Variants in ZSWIM4 observed in about 807,000 individuals in gnomAD.
The protein encoded by ZSWIM4 is zinc finger SWIM-type containing 4.
A neutral mutation model predicts 102.5 loss-of-function variants in ZSWIM4; 62 were observed. That is an observed-to-expected ratio of 0.60 (90% CI 0.49 to 0.75). The LOEUF is 0.75. Among genes scored for constraint, ZSWIM4 ranks in the 30% least tolerant of loss-of-function variants. The pLI is 0.00. For synonymous variants in ZSWIM4, 652 were observed against 674.5 expected (o/e 0.97, Z 0.52); for missense variants, 1,280 against 1,529.6 (o/e 0.84, Z 2.72).
At position 13,819,458 on chromosome 19, in the gene ZSWIM4, G is replaced by A. The variant is rs1225988354; in HGVS notation, c.2026G>A (p.Asp676Asn). The A allele has an allele frequency of 2.5e-6, 4 of 1,608,938 alleles. No homozygotes were observed. Among genetic ancestry groups the A allele is most frequent in the South Asian group, 2.2e-5 (2 of 90,016 alleles). The change falls in exon 10 of 14, where the codon GAC becomes AAC. Residue 676 changes from aspartate to asparagine, a missense_variant. By Grantham distance (23) the Asp-to-Asn change is conservative. Transcript: ENST00000590508. Reference sequence around the variant, plus strand: ...CACCGCACTGCTGCCTCATGACCCGGACCTGGCCTATCGCCTCGCGCTGCG... The same window carrying A: ...CACCGCACTGCTGCCTCATGACCCGAACCTGGCCTATCGCCTCGCGCTGCG... ...LFTALLPHDP[D>N]LAYRLALRAM...
In ZSWIM4 at chr19:13,825,262, C is replaced by G. The variant is rs539308236; in HGVS notation, c.2216-288C>G. ...CAGGCTGGTCTCAAACTCTTGACCT[C>G]GTGATCCACCCACCTCAGCCTCCCA... On this transcript the variant is annotated intron_variant, in intron 11 of 13. Transcript: ENST00000590508. The surrounding 1 kb of genome is among the most constrained non-coding windows in gnomAD (Gnocchi z 4.6). Among the ~76,000 whole-genome samples, 1 of 152,010 alleles carries G rather than the reference C, an allele frequency of 6.6e-6. No individual in the cohort carries two copies. The highest frequency in any genetic ancestry group is 2.4e-5 in the African/African-American group (1 of 41,378).
At chr19:13,808,647 G>T (rs550259856) in intron 3 of ZSWIM4, among the ~76,000 whole-genome samples, 189 bp from the exon 4 acceptor site, 1 of 151,332 alleles carries the variant, frequency 6.6e-6, no homozygotes, top group East Asian at 2.0e-4. Context: ...GCTAAGGCAG[G>T]AGAATCACTT....
chr19:13,808,711 C>T (rs1974983337), intron 3 of ZSWIM4, 125 bp from the exon 4 acceptor site: 8 of 1,069,646 alleles, frequency 7.5e-6, no homozygotes, highest in Non-Finnish European at 1.0e-5. Flanking sequence ...AGCACTCCAG[C>T]CTGGGCAAGA....
intron 2 of ZSWIM4, among the ~76,000 whole-genome samples, chr19:13,803,911 G>T (rs967850763): frequency 1.3e-5 from 2 of 150,382 alleles, no homozygotes; most frequent in African/African-American, 2.4e-5. Context: ...ACCCAGGCTG[G>T]AGTGCAATGG....
Position 13,830,526 on chromosome 19 carries a change from G to A in ZSWIM4, c.2797G>A (p.Gly933Arg), listed in dbSNP as rs753798857. The A allele has an allele frequency of 3.1e-6, 5 of 1,599,478 alleles. No individual in the cohort carries two copies. Among genetic ancestry groups the A allele is most frequent in the Middle Eastern group, 1.7e-4 (1 of 6,056 alleles). Reference sequence around the variant, plus strand: ...TGTGGCCCGCTATATGGAGCACCGCGGGCTGCCGCTCCGGGCCTACAAGCT... The same window carrying A: ...TGTGGCCCGCTATATGGAGCACCGCAGGCTGCCGCTCCGGGCCTACAAGCT... Reference protein sequence around the residue: ...FTVARYMEHRGLPLRAYKLAT... With the variant: ...FTVARYMEHRRLPLRAYKLAT... Residue 933 changes from glycine (G) to arginine (R), a missense_variant, in exon 14 of 14, where the codon GGG becomes AGG. Physicochemically the swap from Gly to Arg is moderately radical, Grantham distance 125 (BLOSUM62 -2). Transcript: ENST00000590508.
chr19:13,802,670 CTG>C (rs1974806581), intron 2 of ZSWIM4, among the ~76,000 whole-genome samples: 1 of 152,086 alleles, frequency 6.6e-6, no homozygotes, highest in African/African-American at 2.4e-5. Flanking sequence ...CCACAAACAT[CTG>C]AGCTCAAGTG....
intron 10 of ZSWIM4, among the ~76,000 whole-genome samples, chr19:13,821,874 C>T (rs949412867): frequency 1.3e-5 from 2 of 152,018 alleles, no homozygotes; most frequent in Non-Finnish European, 2.9e-5. Context: ...GTAGCTGGGA[C>T]TACAGTCACC....
At chr19:13,829,928 G>T (rs1437860520) in intron 13 of ZSWIM4, among the ~76,000 whole-genome samples, 1 of 152,206 alleles carries the variant, frequency 6.6e-6, no homozygotes, top group Non-Finnish European at 1.5e-5. Flanking sequence ...CCAGCATGGA[G>T]CTGGACAAAG....
At chr19:13,817,504 C>A in intron 8 of ZSWIM4, 151 bp downstream of exon 8, 1 of 1,184,416 alleles carries the variant, frequency 8.4e-7, no homozygotes, top group Non-Finnish European at 1.2e-6. Context: ...GTGCCCAGAG[C>A]CAATAGGCTT....
Position 13,830,463 on chromosome 19 carries a change from G to T in ZSWIM4, c.2734G>T (p.Ala912Ser), listed in dbSNP as rs1441442495. The change falls in exon 14 of 14, where the codon GCG becomes TCG. Residue 912 changes from alanine (A) to serine (S), a missense_variant. Coordinates refer to ENST00000590508, the MANE Select transcript of ZSWIM4 (RefSeq NM_001367834.3). The stretch of plus-strand genomic sequence containing the variant: ...GGCGGCCTACCAGATCGTGCTGGAC[G>T]CGGCGGCCGGCGGCCTGGGCCACGC... Reference protein sequence around the residue: ...FEAAYQIVLDAAAGGLGHAHL... With the variant: ...FEAAYQIVLDSAAGGLGHAHL... The T allele has an allele frequency of 6.2e-7, 1 of 1,603,756 alleles. No homozygotes were observed. Among genetic ancestry groups the T allele is most frequent in the African/African-American group, 1.3e-5 (1 of 74,922 alleles).
At chr19:13,815,500 T>G (rs969586175) in intron 7 of ZSWIM4, among the ~76,000 whole-genome samples, 1 of 113,774 alleles carries the variant, frequency 8.8e-6, no homozygotes, top group African/African-American at 3.5e-5. Context: ...AGATGGAGTC[T>G]CGGTCTTTCG....
intron 1 of ZSWIM4, 148 bp from the exon 2 acceptor site, chr19:13,799,572 G>A (rs1306212518): frequency 6.2e-5 from 47 of 754,170 alleles, no homozygotes; most frequent in Middle Eastern, 3.6e-4. Flanking sequence ...CATCGTGCCC[G>A]GCCAGTTTTT....
At chr19:13,803,363 C>A (rs898675772) in intron 2 of ZSWIM4, among the ~76,000 whole-genome samples, 8 of 152,210 alleles carry the variant, frequency 5.3e-5, no homozygotes, top group Admixed American at 3.9e-4. Context: ...CCAAGCGCCA[C>A]GGGTCTTTGG....
chr19:13,807,519 G>A (rs879349124), intron 3 of ZSWIM4, among the ~76,000 whole-genome samples: 9 of 151,788 alleles, frequency 5.9e-5, no homozygotes, highest in Non-Finnish European at 1.0e-4. Context: ...GGATGGGTAA[G>A]TAAATGGATG....
chr19:13,831,066 G>C lies in ZSWIM4; in HGVS notation c.*16G>C. The stretch of plus-strand genomic sequence containing the variant: ...TTTTGGTTGAGGGACAGTGGGGTGC[G>C]TGGGAGTGGGGATCCCCCTCGCCCC... On this transcript the variant is annotated 3_prime_UTR_variant, in exon 14 of 14. Transcript: ENST00000590508. 1 of 1,550,060 alleles carries C rather than the reference G, an allele frequency of 6.5e-7. No individual in the cohort carries two copies. Among genetic ancestry groups the C allele is most frequent in the East Asian group, 2.3e-5 (1 of 44,284 alleles).
intron 11 of ZSWIM4, among the ~76,000 whole-genome samples, chr19:13,824,171 G>C (rs1199615643): frequency 6.6e-6 from 1 of 151,862 alleles, no homozygotes; most frequent in African/African-American, 2.4e-5. Context: ...AAGAGGGAGA[G>C]AGGAGAGACA....
chr19:13,802,503 C>T (rs1974800867), intron 2 of ZSWIM4, among the ~76,000 whole-genome samples: 1 of 151,604 alleles, frequency 6.6e-6, no homozygotes, highest in South Asian at 2.1e-4. Context: ...TCAGTTGAAC[C>T]CGGGAGGCAG....
rs1317877185 is a variant in ZSWIM4, at chr19:13,814,849, C to T, written c.1515C>T (p.Tyr505=). ...AGCAGCGGCATCAGCTAGAGAGCTA[C>T]AAGCAGCAGAAAAAAGGTCAGCCTC... is the stretch of plus-strand genomic sequence containing the variant. ...RLQQRHQLES[Y]KQQKKELLQK... The change falls in exon 7 of 14, where the codon TAC becomes TAT. Residue 505 remains tyrosine, a synonymous_variant. Transcript: ENST00000590508. 8.0e-7 allele frequency: 1 copy of T among 1,252,280 alleles called. No homozygotes were observed. Among genetic ancestry groups the T allele is most frequent in the East Asian group, 6.0e-5 (1 of 16,648 alleles). 77.6% of individuals were successfully genotyped at this position (1,252,280 alleles called of 1,614,324 possible). A position where few individuals can be genotyped will look rare whatever the true frequency, so the allele number is the denominator to read the frequency against.
intron 12 of ZSWIM4, 40 bp from the exon 13 acceptor site, chr19:13,828,605 G>A (rs766748103): frequency 1.2e-6 from 2 of 1,605,170 alleles, no homozygotes; most frequent in Non-Finnish European, 1.7e-6. Context: ...GCCAGCCCAA[G>A]ACTCAGGCTA....
Sources: gnomAD v4.1 joint callset for allele counts (sites outside exome capture counted in the v4.1 genomes callset) on GRCh38, gnomAD v4.1.1 for gene constraint, Gnocchi (gnomAD v3.1) non-coding constraint, MANE v1.5 for transcripts, NCBI Gene and HGNC (gene_info 2026-07-23, HGNC 2026-07-21) for gene names.